ATF3: variants seen among roughly 807,000 people sequenced by gnomAD.
ATF3 encodes activating transcription factor 3, also known as cyclic AMP-dependent transcription factor ATF-3.
ATF3 carries 10 observed loss-of-function variants against 18.4 expected under a neutral mutation model. The ratio of observed to expected loss-of-function variants is 0.54; its 90% CI spans 0.34 to 0.92. ATF3 has a LOEUF of 0.92. Ranked by LOEUF, ATF3 falls within the 40% of genes least tolerant of loss-of-function variation. The probability of loss-of-function intolerance (pLI) is 0.02; values close to 1 mark genes in which losing one functional copy is unlikely to be tolerated. For synonymous variants in ATF3, 78 were observed against 87.9 expected, an observed-to-expected ratio of 0.89 and a Z score of 0.63; for missense variants, 183 against 222.3, an observed-to-expected ratio of 0.82 and a Z score of 1.12.
intron 1 of ATF3, among the ~76,000 whole-genome samples, chr1:212,612,966 C>T (rs910552243): frequency 6.6e-6 from 1 of 152,186 alleles, no homozygotes; most frequent in African/African-American, 2.4e-5. Context: ...GTATTAGTTC[C>T]TCAATTCCTC....
chr1:212,576,346 A>G (rs1330748198), intron 1 of ATF3, among the ~76,000 whole-genome samples: 1 of 151,628 alleles, frequency 6.6e-6, no homozygotes, highest in Non-Finnish European at 1.5e-5. Context: ...TGATTGGTTG[A>G]GCTCAGGGTT....
chr1:212,596,609 G>T (rs1049271344), intron 1 of ATF3, among the ~76,000 whole-genome samples: 4 of 152,184 alleles, frequency 2.6e-5, no homozygotes, highest in African/African-American at 9.7e-5. Context: ...GAGTGCTGTG[G>T]GGGGTGTGAA....
Position 212,572,012 on chromosome 1 carries a change from G to A in ATF3, c.-5+6529G>A, listed in dbSNP as rs1337000937. 2.0e-5 allele frequency among the ~76,000 whole-genome samples: 3 copies of A among 152,106 alleles called. No individual in the cohort carries two copies. The East Asian group carries it at 5.8e-4, about 30-fold the overall frequency. On this transcript the variant is annotated intron_variant, in intron 1 of 3. Transcript: ENST00000366981. ...CAGGCGTGAGCCACCGCGCCCGGCC[G>A]CCAATACTTTTATTCTCTGCTAATT...
intron 1 of ATF3, among the ~76,000 whole-genome samples, chr1:212,574,565 G>A (rs574122784): frequency 6.6e-6 from 1 of 151,638 alleles, no homozygotes; most frequent in South Asian, 2.1e-4. Flanking sequence ...TTTATTGTTT[G>A]TATGTTTGTA....
At chr1:212,569,957 T>C (rs1040749970) in intron 1 of ATF3, among the ~76,000 whole-genome samples, 1 of 152,216 alleles carries the variant, frequency 6.6e-6, no homozygotes, top group African/African-American at 2.4e-5. Flanking sequence ...GCTCTTGATG[T>C]AATTTTAATT....
chr1:212,596,285 A>G (rs1271799422), intron 1 of ATF3, among the ~76,000 whole-genome samples: 1 of 152,230 alleles, frequency 6.6e-6, no homozygotes, highest in African/African-American at 2.4e-5. Context: ...GTGCCTACTG[A>G]TCTTTATCAC....
intron 1 of ATF3, among the ~76,000 whole-genome samples, chr1:212,589,714 A>G (rs1442143537): frequency 1.3e-5 from 2 of 151,952 alleles, no homozygotes; most frequent in East Asian, 3.8e-4. Context: ...AGAAGAAGAA[A>G]AAAAGAATGT....
At chr1:212,578,913 A>T (rs1229639539) in intron 1 of ATF3, among the ~76,000 whole-genome samples, 3 of 150,228 alleles carry the variant, frequency 2.0e-5, no homozygotes, top group African/African-American at 7.4e-5. Context: ...CCAGGCATGG[A>T]CTCATTCCCA....
upstream of ATF3, among the ~76,000 whole-genome samples, chr1:212,606,626 G>A (rs1158446394): frequency 6.6e-6 from 1 of 152,224 alleles, no homozygotes; most frequent in Non-Finnish European, 1.5e-5. Flanking sequence ...AGTTCAACCT[G>A]TAAACTGGTC....
upstream of ATF3, among the ~76,000 whole-genome samples, chr1:212,606,376 C>A (rs538002066): frequency 6.6e-6 from 1 of 152,236 alleles, no homozygotes; most frequent in East Asian, 1.9e-4. Context: ...CTTGGAGATT[C>A]CAAACTAAGA....
intron 1 of ATF3, among the ~76,000 whole-genome samples, chr1:212,567,881 G>A (rs1664411726): frequency 6.6e-6 from 1 of 152,184 alleles, no homozygotes; most frequent in East Asian, 1.9e-4. Context: ...GACCTCAGGA[G>A]AGAAAAACTG....
Position 212,618,521 on chromosome 1 carries a change from G to T in ATF3, c.348+287G>T. 1 of 474,976 alleles carries T rather than the reference G, an allele frequency of 2.1e-6. No homozygotes were observed. Among genetic ancestry groups the T allele is most frequent in the Non-Finnish European group, 3.8e-6 (1 of 260,006 alleles). 29.4% of individuals were successfully genotyped at this position (474,976 alleles called of 1,614,324 possible). Reference sequence around the variant, plus strand: ...ATGTCCATCAGCTTCCAGGCTGCAGGACATGCCAGCCCAGTTAAAGAGGCT... The same window carrying T: ...ATGTCCATCAGCTTCCAGGCTGCAGTACATGCCAGCCCAGTTAAAGAGGCT... On this transcript the variant is annotated intron_variant, in intron 3 of 3. Transcript: ENST00000341491. This position sits in a 1 kb window ranked among gnomAD's most constrained non-coding sequence, Gnocchi z 4.4.
intron 1 of ATF3, among the ~76,000 whole-genome samples, chr1:212,609,374 G>GC (rs1014524073): frequency 7.0e-6 from 1 of 143,468 alleles, no homozygotes; most frequent in African/African-American, 2.6e-5. Flanking sequence ...TCCTTCCCGG[G>GC]TGGGGGGGGG....
chr1:212,619,806 A>C lies in ATF3; in HGVS notation c.*251A>C. The C allele has an allele frequency of 2.5e-6, 1 of 401,598 alleles. No individual in the cohort carries two copies. The allele number at this position is 401,598 out of a possible 1,614,324, so 24.9% of individuals were successfully genotyped here. On this transcript the variant is annotated 3_prime_UTR_variant, in exon 4 of 4. Coordinates refer to ENST00000341491, the MANE Select transcript of ATF3 (RefSeq NM_001674.4). The surrounding 1 kb of genome is among the most constrained non-coding windows in gnomAD (Gnocchi z 4.4). ...AGGCCTTAACACACTGGCCATTCTT[A>C]TGTTCCAGATGGCCCCCAGCTGGTG...
At chr1:212,593,722 TAGAG>T (rs1664933879) in intron 1 of ATF3, among the ~76,000 whole-genome samples, 1 of 131,758 alleles carries the variant, frequency 7.6e-6, no homozygotes, top group Non-Finnish European at 1.5e-5. Context: ...GCCTGGATGA[TAGAG>T]AGAGACCCTG....
chr1:212,592,741 T>C (rs17019421), intron 1 of ATF3, among the ~76,000 whole-genome samples: 9,650 of 152,052 alleles, frequency 0.063, 1,071 homozygotes, highest in African/African-American at 0.22. Flanking sequence ...TGCTTTCTAT[T>C]ACATCACAGC....
chr1:212,588,308 C>T (rs2102631668), intron 1 of ATF3, among the ~76,000 whole-genome samples: 1 of 152,216 alleles, frequency 6.6e-6, no homozygotes, highest in African/African-American at 2.4e-5. Context: ...CATGTTTCCA[C>T]CAGCAACCAC....
chr1:212,579,955 T>A (rs1000839175), intron 1 of ATF3, among the ~76,000 whole-genome samples: 15 of 150,880 alleles, frequency 9.9e-5, no homozygotes, highest in African/African-American at 3.2e-4. Flanking sequence ...CCATCCTGGC[T>A]AACATGGTGA....
At chr1:212,612,195 C>T (rs1392635917) in intron 1 of ATF3, among the ~76,000 whole-genome samples, 2 of 152,042 alleles carry the variant, frequency 1.3e-5, no homozygotes, top group African/African-American at 2.4e-5. Context: ...CATTTATGTC[C>T]CCAAGGAAGC....
Sources: allele counts gnomAD v4.1 joint callset (sites outside exome capture counted in the v4.1 genomes callset), GRCh38; gene constraint gnomAD v4.1.1; non-coding constraint Gnocchi (gnomAD v3.1); transcripts MANE v1.5; gene names NCBI Gene and HGNC (gene_info 2026-07-23, HGNC 2026-07-21).